The following SS18L1 variants were observed in gnomAD, a reference collection of about 807,000 sequenced individuals.
The protein encoded by SS18L1 is SS18L1 subunit of BAF chromatin remodeling complex.
Under a neutral mutation model 70.3 loss-of-function variants are expected in SS18L1, and 32 were observed. That is an observed-to-expected ratio of 0.46 (90% CI 0.34 to 0.61). SS18L1 has a LOEUF of 0.61. SS18L1 is among the 20% of genes least tolerant of loss of function. SS18L1 has a pLI of 0.01. For missense variants in SS18L1, 430 were observed against 542.1 expected (o/e 0.79, Z 2.05); for synonymous variants, 237 against 229.7 (o/e 1.03, Z -0.29).
chr20:62,150,269 T>A (rs1476996200), intron 1 of SS18L1, among the ~76,000 whole-genome samples: 4 of 152,234 alleles, frequency 2.6e-5, no homozygotes, highest in Non-Finnish European at 5.9e-5. Flanking sequence ...AGTATCGGCT[T>A]GCTGACCTCG....
In SS18L1 at chr20:62,172,694, A is replaced by G. The variant is rs913093783; in HGVS notation, c.929A>G (p.Tyr310Cys). 6.2e-7 allele frequency: 1 copy of G among 1,614,142 alleles called. No individual in the cohort carries two copies. The highest frequency in any genetic ancestry group is 1.1e-5 in the South Asian group (1 of 91,086). ...CTCCTCCCTCCAGGAAACTCCCAGT[A>G]CAGCCAGCAGCAGGCCGGGTACCAG... ...QHYYEGGNSQYSQQQAGYQQG... is the reference protein window; with the variant it reads ...QHYYEGGNSQCSQQQAGYQQG... The change falls in exon 9 of 11, where the codon TAC (tyrosine) becomes TGC (cysteine). Residue 310 changes from tyrosine (Y) to cysteine (C), a missense_variant. By Grantham distance (194) the Tyr-to-Cys change is radical. Coordinates refer to ENST00000331758, the MANE Select transcript of SS18L1 (RefSeq NM_198935.3).
intron 1 of SS18L1, among the ~76,000 whole-genome samples, chr20:62,155,581 G>A (rs558005231): frequency 7.9e-5 from 12 of 152,142 alleles, no homozygotes; most frequent in East Asian, 3.9e-4. Context: ...TCAGGCAGGC[G>A]TGTGGCCTGT....
chr20:62,163,578 T>C lies in SS18L1; in HGVS notation c.677T>C (p.Met226Thr), dbSNP rs764832386. The C allele has an allele frequency of 1.2e-6, 2 of 1,608,516 alleles. No individual in the cohort carries two copies. Among genetic ancestry groups the C allele is most frequent in the Admixed American group, 1.7e-5 (1 of 59,852 alleles). ...MMGQGSQGSS[M>T]MGQRPMAPYR... ...GGGCAGGGCAGCCAGGGGAGCAGCA[T>C]GATGGGGCAGCGGCCCATGGCGCCC... Residue 226 changes from methionine to threonine, a missense_variant, in exon 6 of 11, where the codon ATG becomes ACG. By Grantham distance (81) the Met-to-Thr change is moderately conservative (BLOSUM62 -1). Coordinates refer to ENST00000331758, the MANE Select transcript of SS18L1 (RefSeq NM_198935.3).
At chr20:62,175,294 G>A (rs1444085036) in intron 10 of SS18L1, 5 of 985,366 alleles carry the variant, frequency 5.1e-6, no homozygotes, top group African/African-American at 1.7e-5. Flanking sequence ...GGCCGGTGTG[G>A]CGGGAGGTGA....
intron 1 of SS18L1, among the ~76,000 whole-genome samples, chr20:62,153,507 C>T (rs532860246): frequency 3.3e-5 from 5 of 151,832 alleles, no homozygotes; most frequent in African/African-American, 1.2e-4. Context: ...CCGCTGCACA[C>T]CTGCGCTCCC....
At chr20:62,147,976 G>A (rs927740472) in intron 1 of SS18L1, among the ~76,000 whole-genome samples, 11 of 152,198 alleles carry the variant, frequency 7.2e-5, no homozygotes, top group East Asian at 1.9e-4. Context: ...CTGAAGGAAC[G>A]CAAGCTAATT....
intron 8 of SS18L1, among the ~76,000 whole-genome samples, chr20:62,171,861 A>T (rs2145776676): frequency 6.6e-6 from 1 of 152,206 alleles, no homozygotes; most frequent in South Asian, 2.1e-4. Context: ...TCTACAAAAG[A>T]TTTAAAATTA....
intron 8 of SS18L1, among the ~76,000 whole-genome samples, chr20:62,167,120 A>G (rs574228734): frequency 6.1e-5 from 8 of 131,100 alleles, no homozygotes; most frequent in South Asian, 2.7e-4. Flanking sequence ...ATCTTGGCTC[A>G]CTGCCACCTC....
chr20:62,166,005 C>A (rs2057423260), intron 8 of SS18L1, among the ~76,000 whole-genome samples: 2 of 152,218 alleles, frequency 1.3e-5, no homozygotes, highest in Admixed American at 1.3e-4. Context: ...GGGCTTGCCG[C>A]CCTTCATGGC....
chr20:62,147,721 G>A (rs1190248435), intron 1 of SS18L1, among the ~76,000 whole-genome samples: 1 of 152,132 alleles, frequency 6.6e-6, no homozygotes, highest in East Asian at 1.9e-4. Flanking sequence ...GGGGCCGCCT[G>A]CTGGGTGGGT....
Position 62,179,244 on chromosome 20 carries a change from G to A in SS18L1, c.*36G>A, listed in dbSNP as rs377269029. On this transcript the variant is annotated 3_prime_UTR_variant, in exon 11 of 11. Transcript: ENST00000331758. ...TTCTGGCTGGAGCCCTTGTGGTAGC[G>A]TGTTCATCCAGGGGCCGGATGGGCT... 45 of 1,613,782 alleles carry A rather than the reference G, an allele frequency of 2.8e-5. No homozygotes were observed. Among genetic ancestry groups the A allele is most frequent in the Non-Finnish European group, 3.6e-5 (42 of 1,179,808 alleles).
chr20:62,160,639 C>G (rs2057312483), intron 3 of SS18L1, among the ~76,000 whole-genome samples: 1 of 152,214 alleles, frequency 6.6e-6, no homozygotes, highest in Admixed American at 6.5e-5. Context: ...GCTGCAGCCT[C>G]TGTCCTGCTG....
rs536045935 is a variant in SS18L1 at position 62,167,931 on chromosome 20, T to G, written c.916+2417T>G. ...CCCAGGCTCAAGTGATCCTCCTGCTTCAGCCTCTCGAATTGCTGGGACTAA... is the reference window on the plus strand; with the variant it reads ...CCCAGGCTCAAGTGATCCTCCTGCTGCAGCCTCTCGAATTGCTGGGACTAA... On this transcript the variant is annotated intron_variant, in intron 8 of 10. Transcript: ENST00000331758. Among the ~76,000 whole-genome samples the G allele has an allele frequency of 6.2e-4, 94 of 150,966 alleles. No individual in the cohort carries two copies. The South Asian group carries it at 7.6e-3, about 12-fold the overall frequency.
At chr20:62,155,213 C>T (rs1440442682) in intron 1 of SS18L1, among the ~76,000 whole-genome samples, 1 of 152,036 alleles carries the variant, frequency 6.6e-6, no homozygotes, top group Non-Finnish European at 1.5e-5. Flanking sequence ...CCAGCCTGGG[C>T]AACACAGGGA....
chr20:62,151,074 T>G (rs893296458), intron 1 of SS18L1, among the ~76,000 whole-genome samples: 11 of 152,136 alleles, frequency 7.2e-5, no homozygotes, highest in African/African-American at 1.7e-4. Flanking sequence ...GCCCCAGGCC[T>G]CCTCTGTCTG....
chr20:62,152,731 C>G (rs2057156303), intron 1 of SS18L1, among the ~76,000 whole-genome samples: 1 of 152,190 alleles, frequency 6.6e-6, no homozygotes, highest in African/African-American at 2.4e-5. Flanking sequence ...CCTGGCAACC[C>G]CAGACTCACT....
Position 62,158,007 on chromosome 20 carries a change from C to T in SS18L1, c.70-665C>T, listed in dbSNP as rs6121519. 7.3e-3 allele frequency among the ~76,000 whole-genome samples: 1,114 copies of T among 152,298 alleles called. 9 individuals are homozygous for T. Among genetic ancestry groups the T allele is most frequent in the African/African-American group, 0.024 (999 of 41,550 alleles). The stretch of plus-strand genomic sequence containing the variant: ...GATGCCCTTACCACCTGGGAGTGCC[C>T]TGGACCCCTGCTGATCCTTGGGAGG... On this transcript the variant is annotated intron_variant, in intron 1 of 10. Coordinates refer to ENST00000331758, the MANE Select transcript of SS18L1 (RefSeq NM_198935.3). The surrounding 1 kb of genome is among the most constrained non-coding windows in gnomAD (Gnocchi z 4.5).
At chr20:62,147,715 C>G (rs1196049798) in intron 1 of SS18L1, among the ~76,000 whole-genome samples, 3 of 152,006 alleles carry the variant, frequency 2.0e-5, no homozygotes, top group Admixed American at 2.0e-4. Flanking sequence ...GCCCCTGGGG[C>G]CGCCTGCTGG....
In SS18L1 at chr20:62,167,145, A is replaced by C. The variant is rs1322459306; in HGVS notation, c.916+1631A>C. Among the ~76,000 whole-genome samples, 12 of 141,322 alleles carry C rather than the reference A, an allele frequency of 8.5e-5. No homozygotes were observed. The South Asian group carries it at 2.9e-3, about 34-fold the overall frequency. 92.7% of individuals were successfully genotyped at this position (141,322 alleles called of 152,430 possible). ...ACTGCCACCTCCGCCTCCCAGGTTC[A>C]AGCAATTCTCCTGCCTCAGCCTCTT... On this transcript the variant is annotated intron_variant, in intron 8 of 10. Coordinates refer to ENST00000331758, the MANE Select transcript of SS18L1 (RefSeq NM_198935.3).
Sources: allele counts gnomAD v4.1 joint callset (sites outside exome capture counted in the v4.1 genomes callset), GRCh38; gene constraint gnomAD v4.1.1; non-coding constraint Gnocchi (gnomAD v3.1); transcripts MANE v1.5; gene names NCBI Gene and HGNC (gene_info 2026-07-23, HGNC 2026-07-21).